SLC14A2: variants seen among roughly 807,000 people sequenced by gnomAD.
The protein encoded by SLC14A2 is urea transporter 2.
Under a neutral mutation model 104.6 loss-of-function variants are expected in SLC14A2, and 91 were observed. That is an observed-to-expected ratio of 0.87 (90% CI 0.73 to 1.04). SLC14A2 has a LOEUF of 1.04. SLC14A2 is among the 50% of genes least tolerant of loss of function. SLC14A2 has a pLI of 0.00. For synonymous variants in SLC14A2, 476 were observed against 466.4 expected, an observed-to-expected ratio of 1.02 and a Z score of -0.27; for missense variants, 1,189 against 1,156.0, an observed-to-expected ratio of 1.03 and a Z score of -0.41.
intron 1 of SLC14A2, chr18:45,436,675 G>A (rs2144566813): frequency 6.6e-6 from 1 of 152,254 alleles, no homozygotes; most frequent in South Asian, 2.1e-4. Flanking sequence ...AGTGACAGGC[G>A]ATTTGAGGTG....
intron 2 of SLC14A2, among the ~76,000 whole-genome samples, chr18:45,509,807 GC>G (rs1474663275): frequency 6.6e-6 from 1 of 152,064 alleles, no homozygotes; most frequent in Admixed American, 6.5e-5. Context: ...CTGACCCAGG[GC>G]CCCACACTGT....
chr18:45,338,214 T>C (rs537404280), intron 1 of SLC14A2, among the ~76,000 whole-genome samples: 2 of 152,290 alleles, frequency 1.3e-5, no homozygotes, highest in East Asian at 3.9e-4. Context: ...TTTTTGATTT[T>C]TTTTGAGACT....
intron 2 of SLC14A2, among the ~76,000 whole-genome samples, chr18:45,573,544 CA>C (rs924018608): frequency 2.0e-5 from 3 of 152,146 alleles, no homozygotes; most frequent in African/African-American, 7.2e-5. Flanking sequence ...GCCAAAATAT[CA>C]ATATGTTCAA....
intron 2 of SLC14A2, among the ~76,000 whole-genome samples, chr18:45,538,055 G>T (rs929683307): frequency 6.6e-6 from 1 of 152,188 alleles, no homozygotes; most frequent in Non-Finnish European, 1.5e-5. Context: ...CAGGAATGAG[G>T]GAGAAGCCTA....
At position 45,673,765 on chromosome 18, in the gene SLC14A2, A is replaced by T; in HGVS notation, c.2460A>T (p.Gly820=). 1 of 1,614,182 alleles carries T rather than the reference A, an allele frequency of 6.2e-7. No homozygotes were observed. The highest frequency in any genetic ancestry group is 8.5e-7 in the Non-Finnish European group (1 of 1,180,018). ...FNSTLACIAI[G]GMFYVITWQT... Reference sequence around the variant, plus strand: ...GCACCCTCGCATGCATAGCGATAGGAGGCATGTTCTACGTCATCACCTGGC... The same window carrying T: ...GCACCCTCGCATGCATAGCGATAGGTGGCATGTTCTACGTCATCACCTGGC... Residue 820 remains glycine (G), a synonymous_variant, in exon 18 of 20, where the codon GGA becomes GGT. Coordinates refer to ENST00000255226, the MANE Select transcript of SLC14A2 (RefSeq NM_007163.4).
At chr18:45,361,515 A>C (rs2085610895) in intron 1 of SLC14A2, among the ~76,000 whole-genome samples, 1 of 152,210 alleles carries the variant, frequency 6.6e-6, no homozygotes. Flanking sequence ...ATTGAATGGA[A>C]TCCCAGACAG....
At chr18:45,302,602 C>T (rs1271853707) in intron 1 of SLC14A2, among the ~76,000 whole-genome samples, 3 of 152,138 alleles carry the variant, frequency 2.0e-5, no homozygotes, top group East Asian at 1.9e-4. Flanking sequence ...CTTTAGTCAT[C>T]TATTCTTTGT....
At chr18:45,466,821 T>G (rs148832255) in intron 1 of SLC14A2, among the ~76,000 whole-genome samples, 6 of 152,138 alleles carry the variant, frequency 3.9e-5, no homozygotes, top group African/African-American at 1.4e-4. Flanking sequence ...ATGAATAAAT[T>G]ACCACATTCA....
chr18:45,630,509 T>A (rs1299676488), intron 4 of SLC14A2, among the ~76,000 whole-genome samples: 3 of 152,192 alleles, frequency 2.0e-5, no homozygotes, highest in Non-Finnish European at 2.9e-5. Context: ...TTTTTGGCAC[T>A]GGAGTTGAAC....
intron 1 of SLC14A2, among the ~76,000 whole-genome samples, chr18:45,226,043 T>C (rs2084112686): frequency 6.6e-6 from 1 of 152,176 alleles, no homozygotes; most frequent in Non-Finnish European, 1.5e-5. Flanking sequence ...AGAAGACATT[T>C]ATGCAGCCAA....
chr18:45,518,002 T>G (rs1232305436), intron 2 of SLC14A2, among the ~76,000 whole-genome samples: 1 of 152,162 alleles, frequency 6.6e-6, no homozygotes, highest in Non-Finnish European at 1.5e-5. Context: ...TTTGACATCT[T>G]AAATTAGATA....
At chr18:45,454,571 C>CT (rs2086910949) in intron 1 of SLC14A2, among the ~76,000 whole-genome samples, 1 of 152,188 alleles carries the variant, frequency 6.6e-6, no homozygotes, top group East Asian at 1.9e-4. Flanking sequence ...GACATGAAGT[C>CT]TTTTCCCATG....
chr18:45,216,918 T>C (rs1211493983), intron 1 of SLC14A2, among the ~76,000 whole-genome samples: 2 of 152,154 alleles, frequency 1.3e-5, no homozygotes, highest in African/African-American at 2.4e-5. Flanking sequence ...CTCCTCTTCC[T>C]ATCTGGTGAG....
chr18:45,380,357 C>T (rs922736287), intron 1 of SLC14A2, among the ~76,000 whole-genome samples: 1 of 152,146 alleles, frequency 6.6e-6, no homozygotes, highest in Non-Finnish European at 1.5e-5. Flanking sequence ...AGAGAGCACA[C>T]ACCATGAGAA....
chr18:45,298,913 T>G (rs1229861247), intron 1 of SLC14A2, among the ~76,000 whole-genome samples: 1 of 152,178 alleles, frequency 6.6e-6, no homozygotes. Context: ...TTTTTGTGTT[T>G]TTAAAGACAT....
chr18:45,306,878 A>G (rs16978340), intron 1 of SLC14A2, among the ~76,000 whole-genome samples: 25,710 of 152,130 alleles, frequency 0.17, 2,398 homozygotes, highest in African/African-American at 0.23. Context: ...TGGAGGCCAC[A>G]AGAACCATCT....
At chr18:45,314,458 T>C (rs759956986) in intron 1 of SLC14A2, among the ~76,000 whole-genome samples, 19 of 152,234 alleles carry the variant, frequency 1.2e-4, no homozygotes, top group Non-Finnish European at 2.6e-4. Flanking sequence ...ACTCTGAGGT[T>C]TGTAAAGCAC....
At chr18:45,237,752 T>C (rs942347308) in intron 1 of SLC14A2, among the ~76,000 whole-genome samples, 3 of 152,196 alleles carry the variant, frequency 2.0e-5, no homozygotes, top group African/African-American at 7.2e-5. Context: ...AAGATGATTC[T>C]CCTTCTCCAG....
intron 2 of SLC14A2, among the ~76,000 whole-genome samples, chr18:45,486,219 A>C (rs1483458095): frequency 6.6e-6 from 1 of 152,198 alleles, no homozygotes; most frequent in Non-Finnish European, 1.5e-5. Flanking sequence ...CTGGGAGGGC[A>C]AAGGAGCCAG....
Sources: gnomAD v4.1 joint callset for allele counts (sites outside exome capture counted in the v4.1 genomes callset) on GRCh38, gnomAD v4.1.1 for gene constraint, MANE v1.5 for transcripts, NCBI Gene and HGNC (gene_info 2026-07-23, HGNC 2026-07-21) for gene names.